NPHP1: variants seen among roughly 807,000 people sequenced by gnomAD.
The protein encoded by NPHP1 is nephrocystin-1.
NPHP1 carries 70 observed loss-of-function variants against 90.4 expected under a neutral mutation model. That is an observed-to-expected ratio of 0.77 (90% CI 0.64 to 0.95). NPHP1 has a LOEUF of 0.95. Among genes scored for constraint, NPHP1 ranks in the 40% least tolerant of loss-of-function variants. The pLI is 0.00. For missense variants in NPHP1, 764 were observed against 795.9 expected, an observed-to-expected ratio of 0.96 and a Z score of 0.48; for synonymous variants, 256 against 271.7, an observed-to-expected ratio of 0.94 and a Z score of 0.57.
chr2:110,184,196 C>CAT (rs989773583), intron 2 of NPHP1: 3 of 566,524 alleles, frequency 5.3e-6, no homozygotes, highest in Non-Finnish European at 1.1e-5. Context: ...ATATTCGTAT[C>CAT]ATGGCAGGAG....
At chr2:110,184,619 G>C (rs10205807) in intron 2 of NPHP1, 53,270 of 1,003,120 alleles carry the variant, frequency 0.053, 2,554 homozygotes, top group African/African-American at 0.22. Flanking sequence ...TCGCAAGCTG[G>C]AACATCTCTC....
intron 18 of NPHP1, chr2:110,128,367 G>A (rs1679521181): frequency 6.6e-6 from 1 of 152,078 alleles, no homozygotes; most frequent in Non-Finnish European, 1.5e-5. Context: ...CCGAGACTCA[G>A]GCTTACCTTG....
At chr2:110,182,354 GA>G (rs966713729) in intron 2 of NPHP1, among the ~76,000 whole-genome samples, 48 of 138,010 alleles carry the variant, frequency 3.5e-4, no homozygotes, top group African/African-American at 5.3e-4. Flanking sequence ...AGGTCAAAAT[GA>G]AAAAAAAAAA....
chr2:110,159,214 T>C (rs986015206), intron 11 of NPHP1, among the ~76,000 whole-genome samples: 1 of 152,058 alleles, frequency 6.6e-6, no homozygotes. Flanking sequence ...TTTCTATATC[T>C]ATGAAGGATA....
At chr2:110,188,202 A>T (rs767514189) in intron 2 of NPHP1, among the ~76,000 whole-genome samples, 4 of 152,154 alleles carry the variant, frequency 2.6e-5, no homozygotes, top group Non-Finnish European at 5.9e-5. Context: ...GGAGTATTCA[A>T]ATAGGAAGAG....
chr2:110,131,549 C>T, intron 17 of NPHP1, 130 bp downstream of exon 17: 1 of 690,158 alleles, frequency 1.4e-6, no homozygotes, highest in South Asian at 1.6e-5. Flanking sequence ...AATGTATTAA[C>T]ATCAATGCTG....
At chr2:110,177,172 G>A (rs769375870) in intron 4 of NPHP1, among the ~76,000 whole-genome samples, 10 of 152,140 alleles carry the variant, frequency 6.6e-5, no homozygotes, top group Non-Finnish European at 1.2e-4. Context: ...CTGCTTGGTA[G>A]ATGCTCAGTG....
At chr2:110,176,114 A>G (rs1445495347) in intron 4 of NPHP1, among the ~76,000 whole-genome samples, 1 of 151,992 alleles carries the variant, frequency 6.6e-6, no homozygotes, top group Non-Finnish European at 1.5e-5. Flanking sequence ...TTTCCTATAA[A>G]TTATTTAACA....
intron 2 of NPHP1, among the ~76,000 whole-genome samples, chr2:110,180,537 G>T (rs1187442849): frequency 6.7e-6 from 1 of 148,928 alleles, no homozygotes; most frequent in African/African-American, 2.5e-5. Flanking sequence ...ATCCAAGATG[G>T]CCAATTAGAA....
In NPHP1 at chr2:110,178,486, A is replaced by G. The variant is rs1683663049; in HGVS notation, c.266T>C (p.Leu89Ser). 1 of 1,613,790 alleles carries G rather than the reference A, an allele frequency of 6.2e-7. No individual in the cohort carries two copies. The highest frequency in any genetic ancestry group is 8.5e-7 in the Non-Finnish European group (1 of 1,179,846). ...CTGCAGTTGTTGGGTAAGCTTGTCC[A>G]AAAGAGTATGCTCCTCTTCTTTTCT... Reference protein sequence around the residue: ...NQRKEEEHTLLDKLTQQLQGL... With the variant: ...NQRKEEEHTLSDKLTQQLQGL... Residue 89 changes from leucine (L) to serine (S), a missense_variant, in exon 4 of 20, where the codon TTG (leucine) becomes TCG (serine). By Grantham distance (145) the Leu-to-Ser change is moderately radical. Coordinates refer to ENST00000445609, the MANE Select transcript of NPHP1 (RefSeq NM_001128178.3).
intron 3 of NPHP1, 51 bp downstream of exon 3, chr2:110,179,573 T>A: frequency 3.4e-6 from 3 of 887,296 alleles, no homozygotes; most frequent in Non-Finnish European, 5.6e-6. Flanking sequence ...TTAATAAAAA[T>A]ACTTGTATAG....
At chr2:110,139,170 A>G (rs1365636483) in intron 16 of NPHP1, among the ~76,000 whole-genome samples, 2 of 151,170 alleles carry the variant, frequency 1.3e-5, no homozygotes, top group African/African-American at 4.9e-5. Flanking sequence ...GATGGAATGC[A>G]TCAAAAAAAA....
intron 2 of NPHP1, among the ~76,000 whole-genome samples, chr2:110,200,236 C>G (rs1007908555): frequency 6.6e-6 from 1 of 150,490 alleles, no homozygotes; most frequent in African/African-American, 2.5e-5. Flanking sequence ...GCCTGGGCGA[C>G]AGAGAGAGAC....
intron 16 of NPHP1, among the ~76,000 whole-genome samples, chr2:110,137,998 A>G (rs577887606): frequency 6.6e-6 from 1 of 152,054 alleles, no homozygotes; most frequent in Admixed American, 6.6e-5. Context: ...TGCAGCCATA[A>G]AAAATGATGA....
chr2:110,184,723 C>T, intron 2 of NPHP1: 2 of 719,792 alleles, frequency 2.8e-6, no homozygotes, highest in Non-Finnish European at 5.2e-6. Flanking sequence ...TTGTCAAGGC[C>T]ATAAAAGAAA....
At chr2:110,144,891 A>G (rs1680902970) in intron 14 of NPHP1, among the ~76,000 whole-genome samples, 1 of 151,960 alleles carries the variant, frequency 6.6e-6, no homozygotes, top group African/African-American at 2.4e-5. Flanking sequence ...ATGACAAGTG[A>G]TTTTTTTTAA....
chr2:110,172,022 C>T (rs1442429526), intron 4 of NPHP1, among the ~76,000 whole-genome samples: 1 of 152,132 alleles, frequency 6.6e-6, no homozygotes, highest in Non-Finnish European at 1.5e-5. Flanking sequence ...AGTAAAGCCA[C>T]CTGAGAGTTT....
chr2:110,173,015 G>T (rs1343418604), intron 4 of NPHP1, among the ~76,000 whole-genome samples: 3 of 147,488 alleles, frequency 2.0e-5, no homozygotes, highest in African/African-American at 7.6e-5. Context: ...CTGGAGTGCA[G>T]TGGTATGATC....
chr2:110,139,034 G>A (rs1205950648), intron 16 of NPHP1, among the ~76,000 whole-genome samples: 2 of 151,994 alleles, frequency 1.3e-5, no homozygotes, highest in Non-Finnish European at 2.9e-5. Flanking sequence ...ACTTCCTCCT[G>A]AATTCACATG....
Sources: gnomAD v4.1 joint callset for allele counts (sites outside exome capture counted in the v4.1 genomes callset) on GRCh38, gnomAD v4.1.1 for gene constraint, MANE v1.5 for transcripts, NCBI Gene and HGNC (gene_info 2026-07-23, HGNC 2026-07-21) for gene names.